NPEPL1: variants seen among roughly 807,000 people sequenced by gnomAD.
NPEPL1 encodes the protein probable aminopeptidase NPEPL1.
A neutral mutation model predicts 52.4 loss-of-function variants in NPEPL1; 45 were observed. The observed-to-expected ratio is 0.86, with a 90% CI of 0.68 to 1.10. The LOEUF is 1.10. Among genes scored for constraint, NPEPL1 ranks in the 50% least tolerant of loss-of-function variants. NPEPL1 has a pLI of 0.00. For missense variants in NPEPL1, 696 were observed against 710.9 expected (o/e 0.98, Z 0.24); for synonymous variants, 360 against 314.7 (o/e 1.14, Z -1.52).
chr20:58,690,008 G>C (rs912001209), upstream of NPEPL1, among the ~76,000 whole-genome samples: 3 of 152,184 alleles, frequency 2.0e-5, no homozygotes, highest in Non-Finnish European at 4.4e-5. Context: ...TGAGAGCCTC[G>C]TGGCAATCAG....
In NPEPL1 at chr20:58,714,110, G is replaced by C. The variant is rs577139269; in HGVS notation, c.1302+17G>C. 6.5e-7 allele frequency: 1 copy of C among 1,530,362 alleles called. No individual in the cohort carries two copies. Among genetic ancestry groups the C allele is most frequent in the African/African-American group, 1.4e-5 (1 of 71,528 alleles). The allele number at this position is 1,530,362 out of a possible 1,614,324, so 94.8% of individuals were successfully genotyped here. A position where few individuals can be genotyped will look rare whatever the true frequency, so the allele number is the denominator to read the frequency against. Reference sequence around the variant, plus strand: ...TCAGTGGCGGTAGGTTTGGAGCCTCGAACCTGGAGCCTGCCACATGGGTGG... The same window carrying C: ...TCAGTGGCGGTAGGTTTGGAGCCTCCAACCTGGAGCCTGCCACATGGGTGG... On this transcript the variant is annotated intron_variant, in intron 10 of 11. Coordinates refer to ENST00000356091, the MANE Select transcript of NPEPL1 (RefSeq NM_024663.4).
intron 5 of NPEPL1, among the ~76,000 whole-genome samples, chr20:58,699,670 T>C (rs1434364263): frequency 6.6e-5 from 10 of 152,200 alleles, no homozygotes; most frequent in Admixed American, 3.3e-4. Context: ...TCTGGAATAC[T>C]TTCCCCCAAG....
At chr20:58,707,756 G>A (rs1477034017) in intron 7 of NPEPL1, among the ~76,000 whole-genome samples, 2 of 152,136 alleles carry the variant, frequency 1.3e-5, no homozygotes, top group Non-Finnish European at 2.9e-5. Flanking sequence ...TTCCCATGGA[G>A]CCCAGATGTC....
intron 7 of NPEPL1, among the ~76,000 whole-genome samples, chr20:58,710,178 G>T (rs2084808116): frequency 6.6e-6 from 1 of 151,872 alleles, no homozygotes; most frequent in Non-Finnish European, 1.5e-5. Flanking sequence ...GAGATTACAG[G>T]CATGTGCCAC....
At chr20:58,708,854 G>A (rs1245802323) in intron 7 of NPEPL1, among the ~76,000 whole-genome samples, 2 of 152,020 alleles carry the variant, frequency 1.3e-5, no homozygotes, top group African/African-American at 4.8e-5. Context: ...CTGCTCTGGG[G>A]TGGCACGGGG....
In NPEPL1 at chr20:58,713,707, G is replaced by T; in HGVS notation, c.1125+164G>T. On this transcript the variant is annotated intron_variant, in intron 9 of 11. Coordinates refer to ENST00000356091, the MANE Select transcript of NPEPL1 (RefSeq NM_024663.4). The surrounding 1 kb of genome is among the most constrained non-coding windows in gnomAD (Gnocchi z 4.6). Reference sequence around the variant, plus strand: ...CTGCCCGTCAAGCTTGGTGTGGGCAGTACCGAGGCCCAGGCTGGATGCAGA... The same window carrying T: ...CTGCCCGTCAAGCTTGGTGTGGGCATTACCGAGGCCCAGGCTGGATGCAGA... 1 of 1,148,590 alleles carries T rather than the reference G, an allele frequency of 8.7e-7. No homozygotes were observed. Among genetic ancestry groups the T allele is most frequent in the Non-Finnish European group, 1.2e-6 (1 of 845,448 alleles). The allele number at this position is 1,148,590 out of a possible 1,614,324, so 71.1% of individuals were successfully genotyped here. A position where few individuals can be genotyped will look rare whatever the true frequency, so the allele number is the denominator to read the frequency against.
intron 3 of NPEPL1, among the ~76,000 whole-genome samples, chr20:58,695,093 A>G (rs113560593): frequency 0.05 from 362 of 7,272 alleles, no homozygotes; most frequent in South Asian, 0.066. Context: ...TACGTGTGGT[A>G]TGTGTTGCTG....
intron 6 of NPEPL1, among the ~76,000 whole-genome samples, chr20:58,706,274 G>A (rs779266326): frequency 8.5e-5 from 13 of 152,196 alleles, no homozygotes; most frequent in Middle Eastern, 3.2e-3. Context: ...TTCTTCTGGC[G>A]ATAGACCTGG....
At chr20:58,704,439 A>T in intron 6 of NPEPL1, 2 of 865,530 alleles carry the variant, frequency 2.3e-6, no homozygotes, top group Non-Finnish European at 2.8e-6. Flanking sequence ...ATGTCTATTG[A>T]TATTTACTCT....
chr20:58,691,917 G>A (rs908635871), upstream of NPEPL1: 9 of 886,228 alleles, frequency 1.0e-5, no homozygotes, highest in Admixed American at 2.0e-5. Flanking sequence ...GACCCTGTGG[G>A]TGGGACCCTC....
chr20:58,693,863 C>G lies in NPEPL1; in HGVS notation c.277C>G (p.His93Asp). Reference protein sequence around the residue: ...VSRHNSPSAAHFITRLVRTCL... With the variant: ...VSRHNSPSAADFITRLVRTCL... ...CCGGCACAACAGCCCCTCGGCCGCC[C>G]ACTTCATCACGCGGCTGGTGCGGAC... is the stretch of plus-strand genomic sequence containing the variant. Residue 93 changes from histidine (H) to aspartate (D), a missense_variant, in exon 2 of 12, where the codon CAC becomes GAC. Coordinates refer to ENST00000356091, the MANE Select transcript of NPEPL1 (RefSeq NM_024663.4). The G allele has an allele frequency of 6.2e-7, 1 of 1,613,504 alleles. No homozygotes were observed. The highest frequency in any genetic ancestry group is 8.5e-7 in the Non-Finnish European group (1 of 1,179,720).
At chr20:58,691,322 A>AAGCTGAG, upstream of NPEPL1, 1 of 546,638 alleles carries the variant, frequency 1.8e-6, no homozygotes. Flanking sequence ...TATGTCGGGA[A>AAGCTGAG]AGCTGAGGGT....
chr20:58,710,440 G>A lies in NPEPL1; in HGVS notation c.901-2039G>A, dbSNP rs117751386. ...GTACCATTCAAAGATGGAAGGGTAC[G>A]CCAGGAGCTCGGTGGCCCTGGGCTC... On this transcript the variant is annotated intron_variant, in intron 7 of 11. Transcript: ENST00000356091. 9.2e-3 allele frequency among the ~76,000 whole-genome samples: 1,396 copies of A among 152,126 alleles called. 80 individuals carry two copies. In the East Asian group the frequency reaches 0.18, roughly 20 times the overall value.
chr20:58,713,567 C>T lies in NPEPL1; in HGVS notation c.1125+24C>T, dbSNP rs2084898726. The T allele has an allele frequency of 6.4e-7, 1 of 1,572,548 alleles. No homozygotes were observed. The highest frequency in any genetic ancestry group is 1.2e-5 in the South Asian group (1 of 86,798). On this transcript the variant is annotated intron_variant, in intron 9 of 11. Coordinates refer to ENST00000356091, the MANE Select transcript of NPEPL1 (RefSeq NM_024663.4). This position sits in a 1 kb window ranked among gnomAD's most constrained non-coding sequence, Gnocchi z 4.6. ...AGGTGAGTGCTCCCTGGATCCACCC[C>T]TTAGCTGTAGTCCCAGGGAACCCCA...
In NPEPL1 at chr20:58,715,496, G is replaced by GTCCCCTCCCCGTGGCCC; in HGVS notation, c.*170_*171insTCCCCTCCCCGTGGCCC. On this transcript the variant is annotated 3_prime_UTR_variant, in exon 12 of 12. Coordinates refer to ENST00000356091, the MANE Select transcript of NPEPL1 (RefSeq NM_024663.4). ...AGGAGACAGCTTAGGGTTTGGTGCG[G>GTCCCCTCCCCGTGGCCC]GCCACGGGGAGGGGACCGGGAAGCG... The GTCCCCTCCCCGTGGCCC allele has an allele frequency of 1.5e-6, 1 of 675,624 alleles. No individual in the cohort carries two copies. Among genetic ancestry groups the GTCCCCTCCCCGTGGCCC allele is most frequent in the Non-Finnish European group, 2.3e-6 (1 of 429,234 alleles). The allele number at this position is 675,624 out of a possible 1,614,324, so 41.9% of individuals were successfully genotyped here. A position where few individuals can be genotyped will look rare whatever the true frequency, so the allele number is the denominator to read the frequency against.
chr20:58,710,964 A>T (rs2084823262), intron 7 of NPEPL1: 1 of 152,246 alleles, frequency 6.6e-6, no homozygotes, highest in East Asian at 1.9e-4. Context: ...TCTGCCCCAG[A>T]CCTGCTGGAT....
chr20:58,699,354 G>A (rs373112050), intron 5 of NPEPL1, 76 bp downstream of exon 5: 27 of 1,085,258 alleles, frequency 2.5e-5, no homozygotes, highest in Non-Finnish European at 3.3e-5. Flanking sequence ...GGGGGTCGGC[G>A]GGCCACATGG....
chr20:58,705,029 A>G (rs1031214450), intron 6 of NPEPL1, among the ~76,000 whole-genome samples: 2 of 152,152 alleles, frequency 1.3e-5, no homozygotes, highest in Non-Finnish European at 2.9e-5. Context: ...TCAAAAAATC[A>G]CTTAATATCA....
At chr20:58,694,381 CG>C (rs758360829) in intron 2 of NPEPL1, 40 bp from the exon 3 acceptor site, 126 of 1,549,898 alleles carry the variant, frequency 8.1e-5, no homozygotes, top group Non-Finnish European at 1.1e-4. Flanking sequence ...TCCCTGGTGG[CG>C]GCCCTTGCAC....
Sources: gnomAD v4.1 joint callset for allele counts (sites outside exome capture counted in the v4.1 genomes callset) on GRCh38, gnomAD v4.1.1 for gene constraint, Gnocchi (gnomAD v3.1) non-coding constraint, MANE v1.5 for transcripts, NCBI Gene and HGNC (gene_info 2026-07-23, HGNC 2026-07-21) for gene names.